The following TRIM24 variants were observed in gnomAD, a reference collection of about 807,000 sequenced individuals.
TRIM24 encodes transcription intermediary factor 1-alpha.
In TRIM24, 29 loss-of-function variants were observed where a neutral mutation model predicts 123.9. The observed-to-expected ratio is 0.23, with a 90% CI of 0.17 to 0.32. The LOEUF is 0.32. Among genes scored for constraint, TRIM24 ranks in the 10% least tolerant of loss-of-function variants. TRIM24 has a pLI of 1.00. For missense variants in TRIM24, 932 were observed against 1,295.3 expected, an observed-to-expected ratio of 0.72 and a Z score of 4.31; for synonymous variants, 456 against 461.1, an observed-to-expected ratio of 0.99 and a Z score of 0.14.
At chr7:138,508,678 T>TGTGTGTGTGC (rs1796204033) in intron 2 of TRIM24, among the ~76,000 whole-genome samples, 1 of 51,220 alleles carries the variant, frequency 2.0e-5, no homozygotes, top group African/African-American at 7.7e-5. Context: ...TGTGTGTGTG[T>TGTGTGTGTGC]GTGTGTGTGT....
intron 1 of TRIM24, chr7:138,490,544 C>T (rs1164373592): frequency 4.9e-6 from 1 of 205,446 alleles, no homozygotes; most frequent in South Asian, 7.6e-5. Context: ...TTTCTGCTTT[C>T]ACAAATAGAA....
chr7:138,472,794 T>C (rs1169899422), intron 1 of TRIM24, among the ~76,000 whole-genome samples: 1 of 152,168 alleles, frequency 6.6e-6, no homozygotes, highest in African/African-American at 2.4e-5. Context: ...AGTGTACTGC[T>C]TCCTTCATCC....
chr7:138,522,332 A>G (rs1187481197), intron 4 of TRIM24, among the ~76,000 whole-genome samples: 1 of 151,724 alleles, frequency 6.6e-6, no homozygotes, highest in Non-Finnish European at 1.5e-5. Flanking sequence ...GCAAAACTCC[A>G]TCTCAAAAAA....
chr7:138,573,722 C>CCTT (rs141000079), intron 12 of TRIM24, 80 bp downstream of exon 12: 70,248 of 1,458,838 alleles, frequency 0.048, 1,929 homozygotes, highest in Middle Eastern at 0.081. Context: ...CCCCTCTTCT[C>CCTT]CTTTTTTGTT....
intron 3 of TRIM24, among the ~76,000 whole-genome samples, chr7:138,516,405 A>G (rs1796396700): frequency 6.6e-6 from 1 of 152,236 alleles, no homozygotes. Flanking sequence ...TTTGTCACCC[A>G]GGCTAGCCGT....
chr7:138,469,695 T>C (rs1268427051), intron 1 of TRIM24, among the ~76,000 whole-genome samples: 1 of 152,166 alleles, frequency 6.6e-6, no homozygotes, highest in Non-Finnish European at 1.5e-5. Context: ...TGTAATGTGG[T>C]GTGGCACACC....
intron 6 of TRIM24, among the ~76,000 whole-genome samples, chr7:138,536,311 G>T (rs1229274592): frequency 1.3e-5 from 2 of 152,180 alleles, no homozygotes; most frequent in Non-Finnish European, 2.9e-5. Context: ...AGAATTTTCA[G>T]CTTTTCTGCT....
At chr7:138,480,873 G>A (rs1795511779) in intron 1 of TRIM24, among the ~76,000 whole-genome samples, 1 of 152,122 alleles carries the variant, frequency 6.6e-6, no homozygotes, top group African/African-American at 2.4e-5. Context: ...CAGTTAGGTT[G>A]AGCACTTTCC....
At chr7:138,547,324 C>T (rs568416300) in intron 7 of TRIM24, among the ~76,000 whole-genome samples, 9 of 152,182 alleles carry the variant, frequency 5.9e-5, no homozygotes, top group African/African-American at 1.9e-4. Context: ...AGCTATTATA[C>T]GACATGAGAC....
chr7:138,525,125 A>G (rs1796581715), intron 4 of TRIM24, 116 bp from the exon 5 acceptor site: 1 of 486,864 alleles, frequency 2.1e-6, no homozygotes, highest in Admixed American at 4.3e-5. Flanking sequence ...TGATGTTTTA[A>G]AAGATTATTA....
chr7:138,544,681 C>A (rs75673047), intron 7 of TRIM24, among the ~76,000 whole-genome samples: 4,349 of 152,270 alleles, frequency 0.029, 177 homozygotes, highest in African/African-American at 0.091. Flanking sequence ...ACTTGTCTTC[C>A]TTGTCTTTTT....
At chr7:138,563,729 TCA>T (rs1215072086) in intron 9 of TRIM24, among the ~76,000 whole-genome samples, 1 of 152,232 alleles carries the variant, frequency 6.6e-6, no homozygotes, top group African/African-American at 2.4e-5. Context: ...CTGGAATGCC[TCA>T]CAGAGTCTCT....
chr7:138,558,728 C>A (rs1797366502), intron 9 of TRIM24, among the ~76,000 whole-genome samples: 1 of 152,176 alleles, frequency 6.6e-6, no homozygotes, highest in African/African-American at 2.4e-5. Context: ...CTTTGAACCC[C>A]AGTGTCCTGG....
intron 7 of TRIM24, among the ~76,000 whole-genome samples, chr7:138,540,987 G>A (rs189609041): frequency 3.9e-5 from 6 of 152,078 alleles, no homozygotes; most frequent in East Asian, 3.9e-4. Flanking sequence ...GTAGGCATGC[G>A]CCACCATGTC....
chr7:138,508,718 T>TGC (rs1554436684), intron 2 of TRIM24, among the ~76,000 whole-genome samples: 1 of 133,840 alleles, frequency 7.5e-6, no homozygotes, highest in Non-Finnish European at 1.7e-5. Flanking sequence ...CGTGTGTGTG[T>TGC]GCGTGTGTGT....
At chr7:138,462,379 C>T (rs1283981174) in intron 1 of TRIM24, among the ~76,000 whole-genome samples, 7 of 140,784 alleles carry the variant, frequency 5.0e-5, no homozygotes, top group East Asian at 2.1e-4. Context: ...CTCGCTCTGT[C>T]GCCCAGGCTG....
At chr7:138,571,255 T>G (rs1265855643) in intron 11 of TRIM24, among the ~76,000 whole-genome samples, 1 of 152,162 alleles carries the variant, frequency 6.6e-6, no homozygotes, top group East Asian at 1.9e-4. Context: ...GCTGAGATCA[T>G]GCCACTGCAC....
In TRIM24 at chr7:138,588,656, G is replaced by A. The variant is rs183667795; in HGVS notation, c.*3705G>A. 2.6e-5 allele frequency: 4 copies of A among 151,574 alleles called. No individual in the cohort carries two copies. In the East Asian group the frequency reaches 5.9e-4, roughly 22 times the overall value. The allele number at this position is 151,574 out of a possible 1,614,324, so 9.4% of individuals were successfully genotyped here. A position where few individuals can be genotyped will look rare whatever the true frequency, so the allele number is the denominator to read the frequency against. On this transcript the variant is annotated 3_prime_UTR_variant, in exon 19 of 19. Coordinates refer to ENST00000343526, the MANE Select transcript of TRIM24 (RefSeq NM_015905.3). Reference sequence around the variant, plus strand: ...GCAGAGGTTGCAGTGAGCTGAGATCGCACCACTGTAGTCCAGCCTGGGTGT... The same window carrying A: ...GCAGAGGTTGCAGTGAGCTGAGATCACACCACTGTAGTCCAGCCTGGGTGT...
At position 138,519,181 on chromosome 7, in the gene TRIM24, T is replaced by C. The variant is rs1336927144; in HGVS notation, c.632-8T>C. 4 of 1,613,998 alleles carry C rather than the reference T, an allele frequency of 2.5e-6. No individual in the cohort carries two copies. In the African/African-American group the frequency reaches 4.0e-5, roughly 16 times the overall value. Reference sequence around the variant, plus strand: ...TTTTCTTCTCTTTGTCTCCCATTGTTTCTGCAGAGGCAGTTGGTGTCACCA... The same window carrying C: ...TTTTCTTCTCTTTGTCTCCCATTGTCTCTGCAGAGGCAGTTGGTGTCACCA... On this transcript the variant is annotated splice_polypyrimidine_tract_variant and splice_region_variant and intron_variant, in intron 3 of 18. Coordinates refer to ENST00000343526, the MANE Select transcript of TRIM24 (RefSeq NM_015905.3).
Sources: gnomAD v4.1 joint callset for allele counts (sites outside exome capture counted in the v4.1 genomes callset) on GRCh38, gnomAD v4.1.1 for gene constraint, MANE v1.5 for transcripts, NCBI Gene and HGNC (gene_info 2026-07-23, HGNC 2026-07-21) for gene names.